The following SEC24D variants were observed in gnomAD, a reference collection of about 807,000 sequenced individuals.
The protein encoded by SEC24D is protein transport protein Sec24D.
In SEC24D, 69 loss-of-function variants were observed where a neutral mutation model predicts 116.9. That is an observed-to-expected ratio of 0.59 (90% CI 0.49 to 0.72). The LOEUF is 0.72. Among genes scored for constraint, SEC24D ranks in the 30% least tolerant of loss-of-function variants. The pLI, the probability that SEC24D is intolerant of heterozygous loss-of-function variation, is 0.00. For missense variants in SEC24D, 1,131 were observed against 1,264.1 expected, an observed-to-expected ratio of 0.89 and a Z score of 1.60; for synonymous variants, 405 against 442.8, an observed-to-expected ratio of 0.91 and a Z score of 1.07.
chr4:118,809,135 G>A lies in SEC24D; in HGVS notation c.802-3181C>T, dbSNP rs535745196. Among the ~76,000 whole-genome samples, 264 of 152,176 alleles carry A rather than the reference G, an allele frequency of 1.7e-3. 1 individual carries two copies. Among genetic ancestry groups the A allele is most frequent in the African/African-American group, 5.7e-3 (235 of 41,526 alleles). ...ACTACAGGCATGCACTACCACGCCCGGCTATATTTTGTATTTTTAGTAGAG... is the reference window on the plus strand; with the variant it reads ...ACTACAGGCATGCACTACCACGCCCAGCTATATTTTGTATTTTTAGTAGAG... On this transcript the variant is annotated intron_variant, in intron 6 of 22. Coordinates refer to ENST00000280551, the MANE Select transcript of SEC24D (RefSeq NM_014822.4).
At chr4:118,787,299 T>A (rs1414522733) in intron 8 of SEC24D, among the ~76,000 whole-genome samples, 1 of 152,230 alleles carries the variant, frequency 6.6e-6, no homozygotes, top group Admixed American at 6.5e-5. Flanking sequence ...TTAAAAATAA[T>A]TAAAGCAGAC....
Position 118,817,256 on chromosome 4 carries a change from A to G in SEC24D, c.397+8T>C. ...GCAGTCAATAAACACTAATAATAAA[A>G]CTATTACCATAGCTGTTGATTTGCA... On this transcript the variant is annotated splice_region_variant and intron_variant, in intron 4 of 22. Transcript: ENST00000280551. 1 of 1,592,282 alleles carries G rather than the reference A, an allele frequency of 6.3e-7. No homozygotes were observed. Among genetic ancestry groups the G allele is most frequent in the Non-Finnish European group, 8.5e-7 (1 of 1,172,780 alleles).
chr4:118,789,232 G>A (rs1161232096), intron 8 of SEC24D, among the ~76,000 whole-genome samples: 2 of 152,190 alleles, frequency 1.3e-5, no homozygotes, highest in East Asian at 3.8e-4. Context: ...TACATAAGCT[G>A]CTATCTTCCT....
intron 6 of SEC24D, among the ~76,000 whole-genome samples, chr4:118,814,815 G>T (rs1730067727): frequency 6.6e-6 from 1 of 152,030 alleles, no homozygotes; most frequent in Non-Finnish European, 1.5e-5. Context: ...AATCAGCACA[G>T]GCTGCTCTTT....
At position 118,833,628 on chromosome 4, in the gene SEC24D, T is replaced by A. The variant is rs748179785; in HGVS notation, c.69A>T (p.Pro23=). 6.2e-7 allele frequency: 1 copy of A among 1,613,834 alleles called. No individual in the cohort carries two copies. The change falls in exon 2 of 23, where the codon CCA becomes CCT. Residue 23 remains proline, a synonymous_variant. Coordinates refer to ENST00000280551, the MANE Select transcript of SEC24D (RefSeq NM_014822.4). ...SQPQPGIGLS[P]PHYGHYGDPS... ...GATCCCCATAGTGCCCATAATGAGGTGGAGAAAGGCCTATTCCAGGCTGAG... is the reference window on the plus strand; with the variant it reads ...GATCCCCATAGTGCCCATAATGAGGAGGAGAAAGGCCTATTCCAGGCTGAG...
intron 8 of SEC24D, among the ~76,000 whole-genome samples, chr4:118,778,178 G>C (rs940252837): frequency 1.3e-5 from 2 of 152,164 alleles, no homozygotes; most frequent in Non-Finnish European, 2.9e-5. Context: ...TGAAGTCCTT[G>C]CCCATGCCTA....
At position 118,752,727 on chromosome 4, in the gene SEC24D, T is replaced by A; in HGVS notation, c.1583A>T (p.Asn528Ile). 6.2e-7 allele frequency: 1 copy of A among 1,606,674 alleles called. No homozygotes were observed. Among genetic ancestry groups the A allele is most frequent in the South Asian group, 1.1e-5 (1 of 88,764 alleles). ...AATCACAGATTGGGATTCTTGATAG[T>A]TGACAAGGAAACCATCCAACAAAGG... ...FVPLLDGFLV[N>I]YQESQSVIHN... Residue 528 changes from asparagine (N) to isoleucine (I), a missense_variant, in exon 12 of 23, where the codon AAC becomes ATC. By Grantham distance (149) the Asn-to-Ile change is moderately radical (BLOSUM62 -3). Transcript: ENST00000280551.
chr4:118,787,189 C>T (rs954662923), intron 8 of SEC24D, among the ~76,000 whole-genome samples: 2 of 152,082 alleles, frequency 1.3e-5, no homozygotes, highest in Admixed American at 6.5e-5. Context: ...GATTCAGTTT[C>T]GAAAGTAACT....
At chr4:118,768,797 G>A (rs971313677) in intron 8 of SEC24D, among the ~76,000 whole-genome samples, 1 of 152,170 alleles carries the variant, frequency 6.6e-6, no homozygotes, top group African/African-American at 2.4e-5. Context: ...ATGTTGTCCA[G>A]AATACCCAAA....
chr4:118,733,913 A>G (rs1193876014), intron 19 of SEC24D, among the ~76,000 whole-genome samples: 1 of 151,934 alleles, frequency 6.6e-6, no homozygotes, highest in Non-Finnish European at 1.5e-5. Flanking sequence ...AACTGCCCCA[A>G]AGTACATGCC....
rs563472181 is a variant in SEC24D, at chr4:118,771,813, T to C, written c.1042-3502A>G. Among the ~76,000 whole-genome samples, 6 of 152,268 alleles carry C rather than the reference T, an allele frequency of 3.9e-5. No homozygotes were observed. The South Asian group carries it at 1.2e-3, about 32-fold the overall frequency. ...TCAGTTTTCCGAGTATTGCTGCCAT[T>C]CTCTTGGGTAACTTTAACATTTGTA... On this transcript the variant is annotated intron_variant, in intron 8 of 22. Coordinates refer to ENST00000280551, the MANE Select transcript of SEC24D (RefSeq NM_014822.4).
chr4:118,783,072 C>T (rs542931517), intron 8 of SEC24D, among the ~76,000 whole-genome samples: 7 of 152,326 alleles, frequency 4.6e-5, no homozygotes, highest in South Asian at 4.1e-4. Context: ...GGTGAGGCGA[C>T]GCCCCGCCCT....
At chr4:118,762,375 C>T (rs755832093) in intron 10 of SEC24D, among the ~76,000 whole-genome samples, 1 of 152,130 alleles carries the variant, frequency 6.6e-6, no homozygotes, top group Non-Finnish European at 1.5e-5. Context: ...CTGGCACTTA[C>T]GCGGTCTCTA....
chr4:118,740,551 G>A (rs1350789827), intron 17 of SEC24D, 112 bp downstream of exon 17: 10 of 1,229,396 alleles, frequency 8.1e-6, no homozygotes, highest in South Asian at 1.6e-5. Context: ...TGGAGAAAGA[G>A]TTGAATTTTT....
intron 2 of SEC24D, among the ~76,000 whole-genome samples, chr4:118,829,254 T>C (rs114211817): frequency 0.016 from 2,394 of 152,302 alleles, 63 homozygotes; most frequent in African/African-American, 0.053. Flanking sequence ...GGCTCATGTT[T>C]GTAATTTCAG....
chr4:118,773,142 T>C (rs924087979), intron 8 of SEC24D, among the ~76,000 whole-genome samples: 1 of 151,972 alleles, frequency 6.6e-6, no homozygotes, highest in African/African-American at 2.4e-5. Flanking sequence ...TTCCTCCCCC[T>C]TTTTTTTCTC....
intron 10 of SEC24D, chr4:118,764,531 T>C (rs1727545183): frequency 6.6e-6 from 2 of 304,896 alleles, no homozygotes; most frequent in Non-Finnish European, 1.2e-5. Flanking sequence ...GAACCAGGTA[T>C]ATTCTGTCTG....
At position 118,732,728 on chromosome 4, in the gene SEC24D, C is replaced by A; in HGVS notation, c.2676+5G>T. Reference sequence around the variant, plus strand: ...CTGGGAAATGCACCACCCCAGCATGCTTACTATGGGCAGAAGTTGTGGGTA... The same window carrying A: ...CTGGGAAATGCACCACCCCAGCATGATTACTATGGGCAGAAGTTGTGGGTA... On this transcript the variant is annotated splice_donor_5th_base_variant and intron_variant, in intron 20 of 22. Transcript: ENST00000280551. 1 of 1,613,318 alleles carries A rather than the reference C, an allele frequency of 6.2e-7. No individual in the cohort carries two copies. The highest frequency in any genetic ancestry group is 8.5e-7 in the Non-Finnish European group (1 of 1,179,526).
chr4:118,780,351 G>A (rs1198577269), intron 8 of SEC24D, among the ~76,000 whole-genome samples: 2 of 152,064 alleles, frequency 1.3e-5, no homozygotes, highest in African/African-American at 2.4e-5. Flanking sequence ...CCTTCATTTC[G>A]TTATGTACCC....
Sources: gnomAD v4.1 joint callset for allele counts (sites outside exome capture counted in the v4.1 genomes callset) on GRCh38, gnomAD v4.1.1 for gene constraint, MANE v1.5 for transcripts, NCBI Gene and HGNC (gene_info 2026-07-23, HGNC 2026-07-21) for gene names.